Variants in MIA2 observed in about 807,000 individuals in gnomAD.
The protein encoded by MIA2 is melanoma inhibitory activity protein 2.
In MIA2, 127 loss-of-function variants were observed where a neutral mutation model predicts 167.8. The ratio of observed to expected loss-of-function variants is 0.76; its 90% CI spans 0.66 to 0.88. The LOEUF (loss-of-function observed/expected upper bound fraction) is 0.88. MIA2 is among the 40% of genes least tolerant of loss of function. MIA2 has a pLI of 0.00. For missense variants in MIA2, 1,690 were observed against 1,624.7 expected, an observed-to-expected ratio of 1.04 and a Z score of -0.69; for synonymous variants, 552 against 541.9, an observed-to-expected ratio of 1.02 and a Z score of -0.26.
chr14:39,314,816 G>GTGTGTGTGTGTGTGTGTT lies in MIA2; in HGVS notation c.3180+34_3180+35insTTGTGTGTGTGTGTGTGT. The GTGTGTGTGTGTGTGTGTT allele has an allele frequency of 8.7e-7, 1 of 1,149,134 alleles. No individual in the cohort carries two copies. The highest frequency in any genetic ancestry group is 1.2e-6 in the Non-Finnish European group (1 of 826,988). 71.2% of individuals were successfully genotyped at this position (1,149,134 alleles called of 1,614,324 possible). A position where few individuals can be genotyped will look rare whatever the true frequency, so the allele number is the denominator to read the frequency against. Reference sequence around the variant, plus strand: ...CAAGGGCAGGTATATATATATGTGTGTGTGTGTGTGTGTGTGTGTGTATAT... The same window carrying GTGTGTGTGTGTGTGTGTT: ...CAAGGGCAGGTATATATATATGTGTGTGTGTGTGTGTGTGTGTTTGTGTGTGTGTGTGTGTGTGTATAT... On this transcript the variant is annotated intron_variant, in intron 20 of 28. Coordinates refer to ENST00000640607, the MANE Select transcript of MIA2 (RefSeq NM_001329214.4).
chr14:39,308,682 C>T, intron 18 of MIA2, 95 bp downstream of exon 18: 1 of 1,000,688 alleles, frequency 1.0e-6, no homozygotes, highest in Non-Finnish European at 1.4e-6. Context: ...TGAAAGTTCT[C>T]AATTTATGAT....
At chr14:39,312,077 C>T (rs915591221) in intron 18 of MIA2, among the ~76,000 whole-genome samples, 1 of 152,104 alleles carries the variant, frequency 6.6e-6, no homozygotes, top group Non-Finnish European at 1.5e-5. Flanking sequence ...ATCTGCCCAC[C>T]TCTGCCTCCC....
At chr14:39,319,181 C>A (rs1410954591) in intron 22 of MIA2, 28 bp from the exon 23 acceptor site, 2 of 1,343,972 alleles carry the variant, frequency 1.5e-6, no homozygotes, top group Non-Finnish European at 2.0e-6. Flanking sequence ...GGATGAGTAA[C>A]TTAGAGATGT....
chr14:39,384,939 A>G (rs903650719), intron 23 of MIA2, among the ~76,000 whole-genome samples: 15 of 152,266 alleles, frequency 9.9e-5, no homozygotes, highest in Non-Finnish European at 1.6e-4. Flanking sequence ...AATTGCAAGT[A>G]TAAAATACTT....
At chr14:39,313,713 A>G (rs1840616552) in intron 19 of MIA2, among the ~76,000 whole-genome samples, 1 of 152,122 alleles carries the variant, frequency 6.6e-6, no homozygotes, top group Non-Finnish European at 1.5e-5. Context: ...GGACAATTCT[A>G]TTTTATGTTA....
intron 2 of MIA2, among the ~76,000 whole-genome samples, chr14:39,239,869 C>A (rs913531204): frequency 6.6e-6 from 1 of 152,078 alleles, no homozygotes; most frequent in African/African-American, 2.4e-5. Context: ...GAGAGCTGGA[C>A]AAATCACAGT....
chr14:39,275,843 A>G (rs900733861), intron 6 of MIA2, among the ~76,000 whole-genome samples: 5 of 152,186 alleles, frequency 3.3e-5, no homozygotes. Flanking sequence ...ATCAGGGTAA[A>G]GGGATATTTT....
At chr14:39,258,752 C>A (rs527616692) in intron 6 of MIA2, among the ~76,000 whole-genome samples, 1 of 152,134 alleles carries the variant, frequency 6.6e-6, no homozygotes, top group African/African-American at 2.4e-5. Flanking sequence ...AGGCTGGTGA[C>A]CTTTGGATGG....
At position 39,319,268 on chromosome 14, in the gene MIA2, T is replaced by G; in HGVS notation, c.3344T>G (p.Val1115Gly). ...LLEKDPYALD[V>G]PNTAFGREHS... ...GAAAAAGATCCTTATGCACTCGATG[T>G]TCCAAATACAGCATTTGGCAGAGGT... The change falls in exon 23 of 29, where the codon GTT becomes GGT. Residue 1115 changes from valine to glycine, a missense_variant. Val to Gly is a moderately radical substitution (Grantham distance 109). Coordinates refer to ENST00000640607, the MANE Select transcript of MIA2 (RefSeq NM_001329214.4). 1 of 1,554,660 alleles carries G rather than the reference T, an allele frequency of 6.4e-7. No homozygotes were observed. The highest frequency in any genetic ancestry group is 8.7e-7 in the Non-Finnish European group (1 of 1,148,876).
At chr14:39,353,662 C>T (rs2074448969), downstream of MIA2, among the ~76,000 whole-genome samples, 1 of 152,114 alleles carries the variant, frequency 6.6e-6, no homozygotes, top group Non-Finnish European at 1.5e-5. Flanking sequence ...TGTTGGTGTG[C>T]TGCACCCATT....
At chr14:39,265,538 C>T in intron 6 of MIA2, 2 of 720,116 alleles carry the variant, frequency 2.8e-6, no homozygotes, top group Non-Finnish European at 4.6e-6. Context: ...CTTTTTTTTT[C>T]ATTTTATCCT....
intron 6 of MIA2, among the ~76,000 whole-genome samples, chr14:39,254,120 G>T (rs906061935): frequency 1.3e-5 from 2 of 152,122 alleles, no homozygotes; most frequent in African/African-American, 2.4e-5. Context: ...AGAGAGGGTG[G>T]GGAGAAGGAG....
intron 2 of MIA2, among the ~76,000 whole-genome samples, chr14:39,240,287 G>A (rs905292394): frequency 2.0e-5 from 3 of 152,150 alleles, no homozygotes; most frequent in African/African-American, 7.2e-5. Flanking sequence ...TTAAAGAACA[G>A]AAAAACGAAT....
chr14:39,370,535 G>T, intron 23 of MIA2: 1 of 341,926 alleles, frequency 2.9e-6, no homozygotes. Context: ...TGGAGACTGC[G>T]CAGTTGTAGG....
At chr14:39,363,996 G>T (rs2074759511) in intron 23 of MIA2, among the ~76,000 whole-genome samples, 4 of 152,158 alleles carry the variant, frequency 2.6e-5, no homozygotes, top group South Asian at 4.1e-4. Context: ...CCTTTTAAGC[G>T]GAAAGTTTAA....
intron 6 of MIA2, among the ~76,000 whole-genome samples, chr14:39,258,968 GC>G (rs1198206703): frequency 2.6e-5 from 4 of 152,190 alleles, no homozygotes; most frequent in Non-Finnish European, 4.4e-5. Flanking sequence ...TCATCAAGGG[GC>G]ACCGGCCTGA....
chr14:39,237,866 A>G (rs771481155), intron 2 of MIA2, among the ~76,000 whole-genome samples: 3 of 152,008 alleles, frequency 2.0e-5, no homozygotes, highest in Non-Finnish European at 4.4e-5. Flanking sequence ...CAGCCTCCCG[A>G]ATAGCTGGGA....
In MIA2 at chr14:39,348,822, CA is replaced by C; in HGVS notation, c.3919del (p.Ile1307SerfsTer15). 6.2e-7 allele frequency: 1 copy of C among 1,613,964 alleles called. No individual in the cohort carries two copies. The highest frequency in any genetic ancestry group is 8.5e-7 in the Non-Finnish European group (1 of 1,179,898). ...GPGFVPPPLAPIRGPLFPVDA... is the reference protein window; with the variant it reads ...GPGFVPPPLAXIRGPLFPVDA... ...GGCTTTGTTCCTCCACCTCTTGCTC[CA>C]ATCAGAGGTCCATTGTTTCCAGTGG... is the stretch of plus-strand genomic sequence containing the variant. On this transcript the variant is annotated frameshift_variant, in exon 28 of 29. Coordinates refer to ENST00000640607, the MANE Select transcript of MIA2 (RefSeq NM_001329214.4). LOFTEE classifies it high-confidence loss of function.
downstream of MIA2, among the ~76,000 whole-genome samples, chr14:39,354,491 G>T (rs1288629941): frequency 1.3e-5 from 2 of 152,176 alleles, no homozygotes; most frequent in African/African-American, 4.8e-5. Context: ...TTGCAAAAAT[G>T]TTCTCCCATT....
Sources: allele counts gnomAD v4.1 joint callset (sites outside exome capture counted in the v4.1 genomes callset), GRCh38; gene constraint gnomAD v4.1.1; transcripts MANE v1.5; gene names NCBI Gene and HGNC (gene_info 2026-07-23, HGNC 2026-07-21).